The following WDPCP variants were observed in gnomAD, a reference collection of about 807,000 sequenced individuals.
WDPCP encodes the protein WD repeat-containing and planar cell polarity effector protein fritz homolog.
Under a neutral mutation model 93.1 loss-of-function variants are expected in WDPCP, and 71 were observed. That is an observed-to-expected ratio of 0.76 (90% CI 0.63 to 0.93). WDPCP has a LOEUF of 0.93. Among genes scored for constraint, WDPCP ranks in the 40% least tolerant of loss-of-function variants. The pLI is 0.00. For synonymous variants in WDPCP, 315 were observed against 315.0 expected (o/e 1.00, Z 0.00); for missense variants, 844 against 887.4 (o/e 0.95, Z 0.62).
intron 12 of WDPCP, among the ~76,000 whole-genome samples, chr2:63,328,409 T>C (rs1008281188): frequency 1.3e-5 from 2 of 152,100 alleles, no homozygotes; most frequent in African/African-American, 4.8e-5. Flanking sequence ...TAACACTTAC[T>C]GCGAAGGTCT....
intron 6 of WDPCP, among the ~76,000 whole-genome samples, chr2:63,477,109 AATG>A (rs1307405280): frequency 1.3e-5 from 2 of 152,200 alleles, no homozygotes; most frequent in Admixed American, 1.3e-4. Context: ...ATCTATACTT[AATG>A]ATAATACTGT....
intron 1 of WDPCP, among the ~76,000 whole-genome samples, chr2:63,821,685 G>A (rs960157128): frequency 2.6e-5 from 4 of 152,056 alleles, no homozygotes; most frequent in African/African-American, 4.8e-5. Context: ...ACAACAGGCC[G>A]TCTATTGCTG....
chr2:63,694,743 T>TA (rs1668940093), intron 2 of WDPCP, among the ~76,000 whole-genome samples: 1 of 152,140 alleles, frequency 6.6e-6, no homozygotes, highest in African/African-American at 2.4e-5. Flanking sequence ...CATATTTGTT[T>TA]AAAAAACAAT....
At chr2:63,570,081 T>C (rs1031735970) in intron 1 of WDPCP, among the ~76,000 whole-genome samples, 1 of 152,194 alleles carries the variant, frequency 6.6e-6, no homozygotes, top group Admixed American at 6.5e-5. Flanking sequence ...GTGCTGAGAC[T>C]AAAATCACAA....
At position 63,280,128 on chromosome 2, in the gene WDPCP, A is replaced by C. The variant is rs1160702866; in HGVS notation, c.1813-20719T>G. ...ACTAGAAAAAACAATCCTAGAATTC[A>C]TACGGAACCAAAAAAGAGCGCTGTA... On this transcript the variant is annotated intron_variant, in intron 13 of 17. Coordinates refer to ENST00000272321, the MANE Select transcript of WDPCP (RefSeq NM_015910.7). 2.0e-5 allele frequency among the ~76,000 whole-genome samples: 3 copies of C among 152,208 alleles called. No individual in the cohort carries two copies. The East Asian group carries it at 5.8e-4, about 29-fold the overall frequency.
chr2:63,262,672 A>G (rs1017907173), intron 13 of WDPCP, among the ~76,000 whole-genome samples: 3 of 151,980 alleles, frequency 2.0e-5, no homozygotes, highest in Non-Finnish European at 2.9e-5. Context: ...TCAACAAATG[A>G]TTTCTGGAAC....
chr2:63,389,310 G>A (rs1693014784), intron 10 of WDPCP, among the ~76,000 whole-genome samples: 1 of 152,116 alleles, frequency 6.6e-6, no homozygotes, highest in Admixed American at 6.6e-5. Flanking sequence ...AGCTTCATAA[G>A]TGAAAAAGAA....
chr2:63,152,889 G>A lies in WDPCP; in HGVS notation c.2190+25C>T, dbSNP rs1574740679. On this transcript the variant is annotated intron_variant, in intron 17 of 17. Coordinates refer to ENST00000272321, the MANE Select transcript of WDPCP (RefSeq NM_015910.7). ...TTTTCTCTTAGAATTTAAATGTCTA[G>A]TAATAAACAGAGAAAGTGTTTTACC... 1.9e-6 allele frequency: 3 copies of A among 1,602,668 alleles called. No homozygotes were observed. The African/African-American group carries it at 4.0e-5, about 21-fold the overall frequency.
chr2:63,146,927 A>G (rs1358919534), intron 17 of WDPCP, among the ~76,000 whole-genome samples: 2 of 152,198 alleles, frequency 1.3e-5, no homozygotes, highest in African/African-American at 4.8e-5. Context: ...TTAGAACTTT[A>G]CTGTATATTT....
At chr2:63,756,410 A>C (rs1669968413) in intron 2 of WDPCP, among the ~76,000 whole-genome samples, 1 of 152,214 alleles carries the variant, frequency 6.6e-6, no homozygotes, top group Admixed American at 6.5e-5. Flanking sequence ...AAATGTGTAA[A>C]TCAGATGGCA....
rs537572333 is a variant in WDPCP at position 63,575,723 on chromosome 2, T to C, written c.75+12474A>G. Among the ~76,000 whole-genome samples the C allele has an allele frequency of 2.9e-4, 44 of 151,144 alleles. 2 individuals carry two copies. In the South Asian group the frequency reaches 4.2e-3, roughly 14 times the overall value. On this transcript the variant is annotated intron_variant, in intron 1 of 17. Coordinates refer to ENST00000272321, the MANE Select transcript of WDPCP (RefSeq NM_015910.7). The stretch of plus-strand genomic sequence containing the variant: ...AAAATGTCTTATTTACTATATGATA[T>C]AGAGACACATATAAAGTATACAGCA...
intron 3 of WDPCP, among the ~76,000 whole-genome samples, chr2:63,596,915 C>G (rs10865340): frequency 0.81 from 123,142 of 151,772 alleles, 50,771 homozygotes; most frequent in East Asian, 0.98. Context: ...TCTATAAAAT[C>G]AGAAGATTAA....
intron 2 of WDPCP, among the ~76,000 whole-genome samples, chr2:63,674,566 C>G (rs171901): frequency 0.81 from 123,752 of 152,102 alleles, 50,931 homozygotes; most frequent in East Asian, 0.98. Flanking sequence ...GGGAGTTGCT[C>G]TTCAATATGT....
In WDPCP at chr2:63,247,783, T is replaced by C. The variant is rs569422663; in HGVS notation, c.1915+11524A>G. 3.9e-5 allele frequency among the ~76,000 whole-genome samples: 6 copies of C among 152,200 alleles called. No homozygotes were observed. The South Asian group carries it at 8.3e-4, about 21-fold the overall frequency. On this transcript the variant is annotated intron_variant, in intron 14 of 17. Transcript: ENST00000272321. ...CCGTAATTACTGAGAGAAGGACTTA[T>C]GTCTTAGAGCTGTTTTTTTGTTTGT... is the stretch of plus-strand genomic sequence containing the variant.
At chr2:63,676,586 A>G (rs1710405772) in intron 2 of WDPCP, among the ~76,000 whole-genome samples, 1 of 152,206 alleles carries the variant, frequency 6.6e-6, no homozygotes, top group African/African-American at 2.4e-5. Context: ...AAAAAAGGAT[A>G]CATATTACAT....
At chr2:63,529,997 A>G (rs371023048) in intron 1 of WDPCP, among the ~76,000 whole-genome samples, 1 of 152,100 alleles carries the variant, frequency 6.6e-6, no homozygotes, top group Non-Finnish European at 1.5e-5. Context: ...AGAGGTGTTT[A>G]TAGTATTCTC....
chr2:63,163,717 T>C (rs1320352863), intron 15 of WDPCP, among the ~76,000 whole-genome samples: 7 of 152,184 alleles, frequency 4.6e-5, no homozygotes, highest in Non-Finnish European at 1.0e-4. Context: ...TTTGAGCCAA[T>C]CTTCATGAAT....
chr2:63,180,881 G>A (rs944104276), intron 14 of WDPCP, among the ~76,000 whole-genome samples: 9 of 152,010 alleles, frequency 5.9e-5, no homozygotes, highest in Middle Eastern at 3.2e-3. Flanking sequence ...TATGACTTGC[G>A]TGAAATATGT....
intron 2 of WDPCP, among the ~76,000 whole-genome samples, chr2:63,805,821 GTTAAAA>G (rs1670755850): frequency 6.6e-6 from 1 of 152,198 alleles, no homozygotes; most frequent in African/African-American, 2.4e-5. Context: ...CAAATCTCAT[GTTAAAA>G]TGTAATCCCT....
Sources: allele counts gnomAD v4.1 joint callset (sites outside exome capture counted in the v4.1 genomes callset), GRCh38; gene constraint gnomAD v4.1.1; transcripts MANE v1.5; gene names NCBI Gene and HGNC (gene_info 2026-07-23, HGNC 2026-07-21).